Variants in NRG1 observed in about 807,000 individuals in gnomAD.
NRG1 encodes the protein pro-neuregulin-1, membrane-bound isoform.
Under a neutral mutation model 63.8 loss-of-function variants are expected in NRG1, and 18 were observed. That is an observed-to-expected ratio of 0.28 (90% CI 0.19 to 0.42). The LOEUF is 0.42. Among genes scored for constraint, NRG1 ranks in the 10% least tolerant of loss-of-function variants. The probability of loss-of-function intolerance (pLI) is 1.00; values close to 1 mark genes in which losing one functional copy is unlikely to be tolerated. For missense variants in NRG1, 762 were observed against 814.7 expected (o/e 0.94, Z 0.79); for synonymous variants, 302 against 301.3 (o/e 1.00, Z -0.02).
At chr8:31,951,658 G>T (rs1803484239) in intron 1 of NRG1, among the ~76,000 whole-genome samples, 1 of 152,198 alleles carries the variant, frequency 6.6e-6, no homozygotes, top group African/African-American at 2.4e-5. Context: ...CTATTCTGAT[G>T]AATTGATGAG....
chr8:32,195,521 A>C (rs1211801323), intron 1 of NRG1, among the ~76,000 whole-genome samples: 1 of 151,802 alleles, frequency 6.6e-6, no homozygotes, highest in Non-Finnish European at 1.5e-5. Flanking sequence ...GTCAAAGCCT[A>C]TTTATATCTG....
intron 1 of NRG1, among the ~76,000 whole-genome samples, chr8:32,217,033 T>C (rs1845304854): frequency 2.6e-5 from 4 of 151,610 alleles, no homozygotes; most frequent in Non-Finnish European, 4.4e-5. Context: ...GCCAACATGG[T>C]GAAACCCCGT....
At chr8:32,476,351 A>C (rs1824516022) in intron 1 of NRG1, among the ~76,000 whole-genome samples, 2 of 152,218 alleles carry the variant, frequency 1.3e-5, no homozygotes, top group Non-Finnish European at 2.9e-5. Context: ...TCCTTGCACA[A>C]GCTATCAGTT....
intron 1 of NRG1, among the ~76,000 whole-genome samples, chr8:32,198,420 C>T (rs1264067869): frequency 6.6e-6 from 1 of 152,108 alleles, no homozygotes; most frequent in Non-Finnish European, 1.5e-5. Context: ...TCAGGTAATC[C>T]ACCTGCCTCG....
chr8:31,644,798 T>C (rs1388446506), intron 1 of NRG1, among the ~76,000 whole-genome samples: 4 of 151,978 alleles, frequency 2.6e-5, no homozygotes, highest in Non-Finnish European at 5.9e-5. Context: ...TGCTTAGATA[T>C]CCAAAGATCT....
intron 1 of NRG1, among the ~76,000 whole-genome samples, chr8:32,189,551 CATA>C (rs1842284923): frequency 6.6e-6 from 1 of 152,070 alleles, no homozygotes; most frequent in Admixed American, 6.6e-5. Flanking sequence ...GTAGAATGGA[CATA>C]ATAATATTTA....
intron 1 of NRG1, among the ~76,000 whole-genome samples, chr8:31,726,171 G>T (rs1250391451): frequency 6.6e-6 from 1 of 151,984 alleles, no homozygotes; most frequent in Non-Finnish European, 1.5e-5. Context: ...AGAACAGTCT[G>T]GTACAAAGTA....
At chr8:32,640,339 G>T (rs533411935) in intron 5 of NRG1, among the ~76,000 whole-genome samples, 1 of 147,330 alleles carries the variant, frequency 6.8e-6, no homozygotes. Flanking sequence ...TAAAACACAC[G>T]TCTCAAAGAT....
chr8:32,647,958 A>G, intron 5 of NRG1: 1 of 1,614,094 alleles, frequency 6.2e-7, no homozygotes, highest in South Asian at 1.1e-5. Context: ...CATTGTCCCC[A>G]TCCTGGCTTG....
chr8:32,655,774 T>C (rs931170517), intron 5 of NRG1, among the ~76,000 whole-genome samples: 1 of 152,172 alleles, frequency 6.6e-6, no homozygotes, highest in Admixed American at 6.5e-5. Context: ...GGCTTCATTA[T>C]AGGGAAAGCG....
chr8:32,639,746 G>A (rs562223987), intron 5 of NRG1, among the ~76,000 whole-genome samples: 54 of 152,256 alleles, frequency 3.5e-4, no homozygotes, highest in African/African-American at 1.3e-3. Flanking sequence ...GTTGATTGGG[G>A]GACCAGTTTA....
intron 1 of NRG1, among the ~76,000 whole-genome samples, chr8:31,738,589 A>G (rs1814933516): frequency 6.6e-6 from 1 of 151,888 alleles, no homozygotes. Context: ...GTATGTATGC[A>G]TTTCCTAAGG....
exon 1 of NRG1, chr8:32,548,589 C>G (rs1275984109): frequency 4.5e-6 from 6 of 1,338,278 alleles, no homozygotes; most frequent in African/African-American, 3.1e-5. Flanking sequence ...GAGACGCCCC[C>G]GCGCAGCGCG....
At chr8:31,714,918 ATT>A (rs893623529) in intron 1 of NRG1, among the ~76,000 whole-genome samples, 1 of 151,606 alleles carries the variant, frequency 6.6e-6, no homozygotes, top group African/African-American at 2.4e-5. Context: ...TAGCCTTGTG[ATT>A]TTTTTTTCTC....
At chr8:32,189,525 C>T (rs1386293084) in intron 1 of NRG1, among the ~76,000 whole-genome samples, 1 of 152,120 alleles carries the variant, frequency 6.6e-6, no homozygotes, top group Non-Finnish European at 1.5e-5. Flanking sequence ...TTTCTTTAGC[C>T]TTATTATCCT....
intron 1 of NRG1, among the ~76,000 whole-genome samples, chr8:32,510,125 A>AATC (rs147438974): frequency 1.4e-4 from 20 of 148,056 alleles, no homozygotes; most frequent in Admixed American, 7.4e-4. Context: ...TAATAATAAT[A>AATC]ATCATAAAAG....
intron 1 of NRG1, among the ~76,000 whole-genome samples, chr8:32,042,314 A>G (rs1025935168): frequency 6.6e-6 from 1 of 152,038 alleles, no homozygotes; most frequent in African/African-American, 2.4e-5. Context: ...AAAGCTGGGC[A>G]TAGTGGCATG....
intron 7 of NRG1, chr8:32,749,352 A>G: frequency 3.2e-6 from 2 of 622,046 alleles, no homozygotes; most frequent in South Asian, 3.8e-5. Context: ...GGTATTTTGC[A>G]CACCTCATAA....
At chr8:32,300,838 C>G (rs1022501849) in intron 1 of NRG1, among the ~76,000 whole-genome samples, 1 of 152,156 alleles carries the variant, frequency 6.6e-6, no homozygotes, top group Non-Finnish European at 1.5e-5. Flanking sequence ...GTTGTATATT[C>G]TGCTTTAATT....
Sources: allele counts gnomAD v4.1 joint callset (sites outside exome capture counted in the v4.1 genomes callset), GRCh38; gene constraint gnomAD v4.1.1; transcripts MANE v1.5; gene names NCBI Gene and HGNC (gene_info 2026-07-23, HGNC 2026-07-21).